The following PSMF1 variants were observed in gnomAD, a reference collection of about 807,000 sequenced individuals.
PSMF1 encodes the protein proteasome inhibitor subunit 1, also known as proteasome inhibitor PI31 subunit.
PSMF1 carries 30 observed loss-of-function variants against 29.3 expected under a neutral mutation model. That is an observed-to-expected ratio of 1.02 (90% CI 0.77 to 1.39). The LOEUF is 1.39. Among genes scored for constraint, PSMF1 ranks in the 40% most tolerant of loss-of-function variants. PSMF1 has a pLI of 0.00. For missense variants in PSMF1, 344 were observed against 357.5 expected, an observed-to-expected ratio of 0.96 and a Z score of 0.31; for synonymous variants, 134 against 139.7, an observed-to-expected ratio of 0.96 and a Z score of 0.29.
chr20:1,163,178 T>G lies in PSMF1; in HGVS notation c.600T>G (p.Pro200=). Residue 200 remains proline, a synonymous_variant, in exon 5 of 7, where the codon CCT becomes CCG. Coordinates refer to ENST00000335877, the MANE Select transcript of PSMF1 (RefSeq NM_006814.5). This position sits in a 1 kb window ranked among gnomAD's most constrained non-coding sequence, Gnocchi z 6.1. ...PFVVGGEDLD[P]FGPRRGGMIV... ...TTGTCGGGGGAGAAGACTTAGACCC[T>G]TTTGGGTGAGTACTGCTGGGGAGGT... 1.9e-6 allele frequency: 3 copies of G among 1,613,946 alleles called. No individual in the cohort carries two copies. Among genetic ancestry groups the G allele is most frequent in the Non-Finnish European group, 2.5e-6 (3 of 1,179,880 alleles).
chr20:1,151,930 C>A (rs2086535920), intron 4 of PSMF1, among the ~76,000 whole-genome samples: 1 of 152,098 alleles, frequency 6.6e-6, no homozygotes, highest in Non-Finnish European at 1.5e-5. Flanking sequence ...TCACTCATGT[C>A]AGCATGTGAA....
chr20:1,147,608 G>A (rs1305755961), intron 4 of PSMF1, among the ~76,000 whole-genome samples: 1 of 152,152 alleles, frequency 6.6e-6, no homozygotes, highest in Non-Finnish European at 1.5e-5. Context: ...TGGAAGAGGA[G>A]GCAGAATGTT....
intron 4 of PSMF1, among the ~76,000 whole-genome samples, chr20:1,153,080 T>A (rs145308254): frequency 2.5e-3 from 379 of 152,330 alleles, no homozygotes; most frequent in African/African-American, 8.8e-3. Flanking sequence ...TCCCTATCCT[T>A]ACCAATGCTG....
intron 4 of PSMF1, among the ~76,000 whole-genome samples, chr20:1,155,244 G>C (rs1428961581): frequency 6.6e-6 from 1 of 152,200 alleles, no homozygotes; most frequent in African/African-American, 2.4e-5. Context: ...AGCAGGGAAA[G>C]GCACTACAAA....
intron 4 of PSMF1, among the ~76,000 whole-genome samples, chr20:1,154,195 A>G (rs1189084959): frequency 6.6e-6 from 1 of 152,242 alleles, no homozygotes; most frequent in Non-Finnish European, 1.5e-5. Flanking sequence ...CATGAAAATA[A>G]TGCAAAAGTA....
At chr20:1,118,480 C>G (rs1421108497), upstream of PSMF1, 1 of 284,092 alleles carries the variant, frequency 3.5e-6, no homozygotes, top group South Asian at 9.8e-5. Context: ...CGCCAAGACC[C>G]GGCTTCCGGC....
chr20:1,117,472 T>G (rs8119469), upstream of PSMF1, among the ~76,000 whole-genome samples: 1,272 of 152,140 alleles, frequency 8.4e-3, 14 homozygotes, highest in African/African-American at 0.029. Context: ...GCCTCCCGAG[T>G]ACCTGGGACT....
intron 4 of PSMF1, among the ~76,000 whole-genome samples, chr20:1,162,028 G>GT: frequency 6.6e-6 from 1 of 152,278 alleles, no homozygotes; most frequent in Non-Finnish European, 1.5e-5. Flanking sequence ...GGCTTGGGGG[G>GT]TCTGTGTGGC....
At chr20:1,116,058 G>C (rs180889403), upstream of PSMF1, among the ~76,000 whole-genome samples, 6 of 144,570 alleles carry the variant, frequency 4.2e-5, no homozygotes, top group East Asian at 1.2e-3. Flanking sequence ...TTAAACACTA[G>C]ACAGTGAGCT....
rs1402029765 is a variant in PSMF1 at position 1,164,030 on chromosome 20, A to T, written c.606-288A>T. On this transcript the variant is annotated intron_variant, in intron 5 of 6. Coordinates refer to ENST00000335877, the MANE Select transcript of PSMF1 (RefSeq NM_006814.5). This position sits in a 1 kb window ranked among gnomAD's most constrained non-coding sequence, Gnocchi z 4.1. ...TCAAGTTGGCCCTCTTGAGTATATG[A>T]TATGGCAGGGATCTCAATTTTGAGG... 6.6e-6 allele frequency among the ~76,000 whole-genome samples: 1 copy of T among 152,186 alleles called. No homozygotes were observed. Among genetic ancestry groups the T allele is most frequent in the Admixed American group, 6.5e-5 (1 of 15,290 alleles).
upstream of PSMF1, among the ~76,000 whole-genome samples, chr20:1,117,409 C>T (rs146383772): frequency 1.3e-5 from 2 of 151,550 alleles, no homozygotes; most frequent in East Asian, 3.9e-4. Flanking sequence ...GCGATCTTGG[C>T]TCACTGCAAC....
At chr20:1,127,579 T>C in intron 3 of PSMF1, 71 bp downstream of exon 3, 1 of 1,257,730 alleles carries the variant, frequency 8.0e-7, no homozygotes. Context: ...AGGAATAGGG[T>C]GGATGTGTCC....
In PSMF1 at chr20:1,125,577, A is replaced by T. The variant is rs2086144595; in HGVS notation, c.209A>T (p.Glu70Val). ...NNKDLYVLRY[E>V]YKDGSRKLLV... is the part of the protein sequence containing the mutation. ...AAAGACCTGTATGTCCTCCGGTATG[A>T]GTATAAGGATGGGTCCAGAAAGCTC... The change falls in exon 2 of 7, where the codon GAG (glutamate) becomes GTG (valine). Residue 70 changes from glutamate to valine, a missense_variant. Glu to Val is a moderately radical substitution (Grantham distance 121). Coordinates refer to ENST00000335877, the MANE Select transcript of PSMF1 (RefSeq NM_006814.5). The T allele has an allele frequency of 6.2e-7, 1 of 1,613,958 alleles. No homozygotes were observed. The highest frequency in any genetic ancestry group is 1.7e-5 in the Admixed American group (1 of 59,984).
At chr20:1,142,152 G>A (rs2086389144) in intron 4 of PSMF1, among the ~76,000 whole-genome samples, 1 of 152,184 alleles carries the variant, frequency 6.6e-6, no homozygotes. Flanking sequence ...AACCCAGGAG[G>A]CAGAGGTTGC....
Position 1,167,606 on chromosome 20 carries a change from A to G in PSMF1, c.*2526A>G, listed in dbSNP as rs2086746868. The G allele has an allele frequency of 6.6e-6, 1 of 151,510 alleles. No homozygotes were observed. The highest frequency in any genetic ancestry group is 2.1e-4 in the South Asian group (1 of 4,802). 9.4% of individuals were successfully genotyped at this position (151,510 alleles called of 1,614,324 possible). A position where few individuals can be genotyped will look rare whatever the true frequency, so the allele number is the denominator to read the frequency against. On this transcript the variant is annotated 3_prime_UTR_variant, in exon 7 of 7. Coordinates refer to ENST00000335877, the MANE Select transcript of PSMF1 (RefSeq NM_006814.5). ...ACAGTTCTCATAAGTGGAATCACTCAGTATTATGGCCTTTTGTGTCTGGCT... is the reference window on the plus strand; with the variant it reads ...ACAGTTCTCATAAGTGGAATCACTCGGTATTATGGCCTTTTGTGTCTGGCT...
chr20:1,125,361 T>C lies in PSMF1; in HGVS notation c.130-137T>C, dbSNP rs1245893903. 22 of 928,742 alleles carry C rather than the reference T, an allele frequency of 2.4e-5. No homozygotes were observed. The South Asian group carries it at 4.1e-4, about 17-fold the overall frequency. The allele number at this position is 928,742 out of a possible 1,614,324, so 57.5% of individuals were successfully genotyped here. On this transcript the variant is annotated intron_variant, in intron 1 of 6. Coordinates refer to ENST00000335877, the MANE Select transcript of PSMF1 (RefSeq NM_006814.5). ...AGACCTCTCTCTCGCTGTAGGATCTTGGGCAAGTCATTTCTCTTGACCTCC... is the reference window on the plus strand; with the variant it reads ...AGACCTCTCTCTCGCTGTAGGATCTCGGGCAAGTCATTTCTCTTGACCTCC...
intron 4 of PSMF1, among the ~76,000 whole-genome samples, chr20:1,140,760 CAAAAG>C (rs1331709649): frequency 6.6e-6 from 1 of 152,030 alleles, no homozygotes; most frequent in African/African-American, 2.4e-5. Flanking sequence ...CTGAACAATA[CAAAAG>C]AAAACTCAAT....
At chr20:1,130,976 G>A (rs144152338) in intron 3 of PSMF1, among the ~76,000 whole-genome samples, 44 of 152,314 alleles carry the variant, frequency 2.9e-4, no homozygotes, top group Admixed American at 5.9e-4. Flanking sequence ...TCTTCTGCAT[G>A]CAATAGACAA....
chr20:1,118,848 C>T lies in PSMF1; in HGVS notation c.75C>T (p.Phe25=), dbSNP rs761178711. 2 of 1,613,854 alleles carry T rather than the reference C, an allele frequency of 1.2e-6. No homozygotes were observed. The highest frequency in any genetic ancestry group is 1.7e-5 in the Admixed American group (1 of 60,010). The change falls in exon 1 of 7, where the codon TTC becomes TTT. Residue 25 remains phenylalanine (F), a synonymous_variant. Coordinates refer to ENST00000335877, the MANE Select transcript of PSMF1 (RefSeq NM_006814.5). ...ITCRQDALVC[F]LHWEVVTHGY... ...GCAGGCAGGACGCGCTCGTCTGCTT[C>T]TTGCATTGGGAAGTGGTGACACACG...
Sources: gnomAD v4.1 joint callset for allele counts (sites outside exome capture counted in the v4.1 genomes callset) on GRCh38, gnomAD v4.1.1 for gene constraint, Gnocchi (gnomAD v3.1) non-coding constraint, MANE v1.5 for transcripts, NCBI Gene and HGNC (gene_info 2026-07-23, HGNC 2026-07-21) for gene names.